NXPE2: variants seen among roughly 807,000 people sequenced by gnomAD.
The protein encoded by NXPE2 is NXPE family member 2.
A neutral mutation model predicts 34.4 loss-of-function variants in NXPE2; 34 were observed. The observed-to-expected ratio is 0.99, with a 90% CI of 0.75 to 1.31. The LOEUF (loss-of-function observed/expected upper bound fraction) is 1.31. Ranked by LOEUF, NXPE2 falls within the 40% of genes most tolerant of loss-of-function variation. The pLI is 0.00. For synonymous variants in NXPE2, 235 were observed against 231.3 expected (o/e 1.02, Z -0.15); for missense variants, 649 against 672.5 (o/e 0.97, Z 0.39).
chr11:114,556,409 A>T, the NXPE2 span, among the ~76,000 whole-genome samples: 1 of 152,118 alleles, frequency 6.6e-6, no homozygotes, highest in Admixed American at 6.5e-5. Context: ...GATCAGTCAA[A>T]GATTTGAGAG....
the NXPE2 span, among the ~76,000 whole-genome samples, chr11:114,794,874 G>A: frequency 7.0e-6 from 1 of 143,208 alleles, no homozygotes; most frequent in African/African-American, 2.6e-5. Context: ...CCATCCTGAG[G>A]AGTAACTCAT....
chr11:114,514,576 A>G, the NXPE2 span, among the ~76,000 whole-genome samples: 1 of 152,056 alleles, frequency 6.6e-6, no homozygotes, highest in Admixed American at 6.6e-5. Context: ...TTTTGTAGGA[A>G]TGAGGTCTCA....
chr11:114,734,863 C>T, the NXPE2 span, among the ~76,000 whole-genome samples: 1 of 152,192 alleles, frequency 6.6e-6, no homozygotes, highest in Non-Finnish European at 1.5e-5. Context: ...AATCCCAGCA[C>T]TTTGGGAGGC....
Position 114,698,362 on chromosome 11 carries a change from G to A in NXPE2, c.450G>A (p.Leu150=), listed in dbSNP as rs773965070. The A allele has an allele frequency of 3.1e-6, 5 of 1,613,968 alleles. No individual in the cohort carries two copies. The East Asian group carries it at 8.9e-5, about 29-fold the overall frequency. ...GHRKQYGGDF[L]RARMYSTALM... is the part of the protein sequence containing the mutation. ...GGAAGCAATATGGTGGGGATTTCCT[G>A]AGGGCCAGGATGTACTCCACAGCAC... The change falls in exon 3 of 6, where the codon CTG becomes CTA. Residue 150 remains leucine, a synonymous_variant. Coordinates refer to ENST00000389586, the MANE Select transcript of NXPE2 (RefSeq NM_182495.6).
chr11:114,776,493 G>A, the NXPE2 span, among the ~76,000 whole-genome samples: 1 of 152,248 alleles, frequency 6.6e-6, no homozygotes, highest in African/African-American at 2.4e-5. Flanking sequence ...TCCGAGGGCA[G>A]CGGAGATACT....
chr11:114,554,822 G>A, the NXPE2 span, among the ~76,000 whole-genome samples: 1 of 152,158 alleles, frequency 6.6e-6, no homozygotes, highest in Non-Finnish European at 1.5e-5. Flanking sequence ...AAATAAAGGT[G>A]TTATTTTTTT....
the NXPE2 span, among the ~76,000 whole-genome samples, chr11:114,577,150 TATATATGTGTC>T: frequency 7.4e-6 from 1 of 135,396 alleles, no homozygotes; most frequent in Non-Finnish European, 1.5e-5. Flanking sequence ...ATGTCATAAA[TATATATGTGTC>T]ATATATATAT....
At position 114,703,989 on chromosome 11, in the gene NXPE2, A is replaced by G; in HGVS notation, c.867-2A>G. 6.5e-7 allele frequency: 1 copy of G among 1,549,668 alleles called. No homozygotes were observed. Among genetic ancestry groups the G allele is most frequent in the African/African-American group, 1.4e-5 (1 of 73,108 alleles). ...GCTAATTTATTTTCCCATTTCTTGC[A>G]GGTCCAACATAGGAGTTGAAATGAT... On this transcript the variant is annotated splice_acceptor_variant, in intron 3 of 5. Coordinates refer to ENST00000389586, the MANE Select transcript of NXPE2 (RefSeq NM_182495.6). LOFTEE classifies it high-confidence loss of function.
chr11:114,638,617 G>C, the NXPE2 span, among the ~76,000 whole-genome samples: 1 of 152,140 alleles, frequency 6.6e-6, no homozygotes, highest in African/African-American at 2.4e-5. Context: ...TGTCTTTGAT[G>C]ATGGTGATGT....
At chr11:114,728,962 A>G in the NXPE2 span, among the ~76,000 whole-genome samples, 1 of 152,176 alleles carries the variant, frequency 6.6e-6, no homozygotes, top group African/African-American at 2.4e-5. Flanking sequence ...GGGTATATGT[A>G]CAGATTTGTT....
At chr11:114,522,089 T>C in the NXPE2 span, 1 of 1,613,954 alleles carries the variant, frequency 6.2e-7, no homozygotes, top group African/African-American at 1.3e-5. Flanking sequence ...CACGTTGAGG[T>C]CTTTGAAAAT....
At chr11:114,619,902 G>GA in the NXPE2 span, among the ~76,000 whole-genome samples, 1 of 151,970 alleles carries the variant, frequency 6.6e-6, no homozygotes, top group African/African-American at 2.4e-5. Flanking sequence ...TTATCCTGTG[G>GA]AAAATAAGTG....
At chr11:114,606,916 T>A in the NXPE2 span, among the ~76,000 whole-genome samples, 2 of 151,912 alleles carry the variant, frequency 1.3e-5, no homozygotes, top group Non-Finnish European at 2.9e-5. Context: ...CGGTGGATAA[T>A]AAGTATTGTC....
At chr11:114,597,551 T>C in the NXPE2 span, among the ~76,000 whole-genome samples, 1 of 152,196 alleles carries the variant, frequency 6.6e-6, no homozygotes, top group South Asian at 2.1e-4. Context: ...CACACAGATG[T>C]ATATTTTCAA....
the NXPE2 span, among the ~76,000 whole-genome samples, chr11:114,775,076 G>T: frequency 6.6e-6 from 1 of 152,332 alleles, no homozygotes; most frequent in South Asian, 2.1e-4. Context: ...AGAAGCTGGC[G>T]ACATACTTCT....
the NXPE2 span, chr11:114,582,409 C>G: frequency 6.2e-7 from 1 of 1,614,204 alleles, no homozygotes; most frequent in Non-Finnish European, 8.5e-7. Context: ...CCTTCTTGGT[C>G]TCTGTTGTCC....
At chr11:114,765,602 T>C in the NXPE2 span, among the ~76,000 whole-genome samples, 26 of 152,220 alleles carry the variant, frequency 1.7e-4, no homozygotes, top group African/African-American at 6.0e-4. Context: ...CTCTGAGGTA[T>C]ACCTACAACC....
chr11:114,704,713 T>G (rs894466933), intron 4 of NXPE2, among the ~76,000 whole-genome samples: 33 of 152,198 alleles, frequency 2.2e-4, no homozygotes, highest in Admixed American at 2.2e-3. Context: ...CAAAGAAATT[T>G]GCTAAACCCT....
At chr11:114,583,796 G>A in the NXPE2 span, 2 of 439,820 alleles carry the variant, frequency 4.5e-6, no homozygotes, top group South Asian at 1.8e-5. Context: ...CCATGATGAT[G>A]GCATGGAAGA....
Sources: allele counts gnomAD v4.1 joint callset (sites outside exome capture counted in the v4.1 genomes callset), GRCh38; gene constraint gnomAD v4.1.1; transcripts MANE v1.5; gene names NCBI Gene and HGNC (gene_info 2026-07-23, HGNC 2026-07-21).